WIPI1: variants seen among roughly 807,000 people sequenced by gnomAD.
WIPI1 encodes the protein WD repeat domain, phosphoinositide interacting 1.
A neutral mutation model predicts 55.3 loss-of-function variants in WIPI1; 45 were observed. The observed-to-expected ratio is 0.81, with a 90% confidence interval of 0.64 to 1.04. The LOEUF (loss-of-function observed/expected upper bound fraction) is 1.04. Among genes scored for constraint, WIPI1 ranks in the 50% least tolerant of loss-of-function variants. The pLI, the probability that WIPI1 is intolerant of heterozygous loss-of-function variation, is 0.00. For missense variants in WIPI1, 445 were observed against 559.0 expected (o/e 0.80, Z 2.06); for synonymous variants, 195 against 217.6 (o/e 0.90, Z 0.92).
intron 5 of WIPI1, 50 bp downstream of exon 5, chr17:68,436,332 C>T (rs1568636011): frequency 1.3e-6 from 2 of 1,562,112 alleles, no homozygotes; most frequent in Non-Finnish European, 1.8e-6. Context: ...CTTCCATGAC[C>T]ACACAGCCAA....
At chr17:68,428,200 G>C (rs12943181) in intron 10 of WIPI1, 35,221 of 150,114 alleles carry the variant, frequency 0.23, 4,336 homozygotes, top group Middle Eastern at 0.32. Flanking sequence ...GACTGGTAGA[G>C]CACTTTTCAA....
intron 9 of WIPI1, among the ~76,000 whole-genome samples, chr17:68,429,365 A>G (rs1383097375): frequency 6.6e-6 from 1 of 152,136 alleles, no homozygotes; most frequent in Non-Finnish European, 1.5e-5. Flanking sequence ...ACTCCTTTAA[A>G]CTTCTTAAAA....
chr17:68,429,917 G>A, intron 9 of WIPI1, 79 bp downstream of exon 9: 1 of 1,595,754 alleles, frequency 6.3e-7, no homozygotes, highest in Non-Finnish European at 8.5e-7. Context: ...TTTCTTTTCA[G>A]GTTTGGGGAT....
At position 68,452,980 on chromosome 17, in the gene WIPI1, AG is replaced by A. The variant is rs778495725; in HGVS notation, c.92del (p.Thr31MetfsTer12). On this transcript the variant is annotated frameshift_variant, in exon 2 of 13. Coordinates refer to ENST00000262139, the MANE Select transcript of WIPI1 (RefSeq NM_017983.7). LOFTEE classifies it high-confidence loss of function. ...ACAGCTTATACCCGGCTTTAGTTCCAGTTGCTAGGGATCTGTGGAGGATAAT... is the reference window on the plus strand; with the variant it reads ...ACAGCTTATACCCGGCTTTAGTTCCATTGCTAGGGATCTGTGGAGGATAAT... ...SFNQDCTSLA[T>X]GTKAGYKLFS... 1.2e-6 allele frequency: 2 copies of A among 1,613,758 alleles called. No individual in the cohort carries two copies. Among genetic ancestry groups the A allele is most frequent in the Non-Finnish European group, 8.5e-7 (1 of 1,179,704 alleles).
At chr17:68,441,830 G>C (rs1266508062) in intron 4 of WIPI1, among the ~76,000 whole-genome samples, 1 of 152,192 alleles carries the variant, frequency 6.6e-6, no homozygotes, top group African/African-American at 2.4e-5. Context: ...TTATAAACGT[G>C]AGCATTTAAA....
chr17:68,448,635 A>C (rs2084378350), intron 3 of WIPI1, among the ~76,000 whole-genome samples: 1 of 152,192 alleles, frequency 6.6e-6, no homozygotes. Flanking sequence ...GAAATCATAC[A>C]AGCAAATACA....
intron 4 of WIPI1, among the ~76,000 whole-genome samples, chr17:68,437,005 A>ATAT (rs1555801304): frequency 2.8e-4 from 30 of 107,188 alleles, no homozygotes; most frequent in African/African-American, 1.1e-3. Context: ...AAAAAAAAAA[A>ATAT]ATATATATAT....
chr17:68,457,316 C>G (rs1400699442), intron 1 of WIPI1, 26 bp downstream of exon 1: 16 of 1,540,220 alleles, frequency 1.0e-5, no homozygotes, highest in Non-Finnish European at 1.3e-5. Flanking sequence ...CCCCACCTCC[C>G]TGGCAGGGGC....
chr17:68,449,750 C>G (rs993103664), intron 3 of WIPI1, among the ~76,000 whole-genome samples: 3 of 152,200 alleles, frequency 2.0e-5, no homozygotes, highest in Non-Finnish European at 4.4e-5. Flanking sequence ...CCTGCAGAAC[C>G]TTGACCCAGT....
intron 12 of WIPI1, 157 bp downstream of exon 12, chr17:68,425,918 G>C: frequency 1.6e-6 from 1 of 643,674 alleles, no homozygotes; most frequent in Admixed American, 2.7e-5. Context: ...GAAGCACACA[G>C]TACAACAAAT....
At chr17:68,427,484 G>C in intron 10 of WIPI1, 1 of 326,654 alleles carries the variant, frequency 3.1e-6, no homozygotes, top group South Asian at 3.7e-5. Context: ...AGCCTCCCGA[G>C]TAGCTGCGAC....
At chr17:68,437,981 G>A (rs905132640) in intron 4 of WIPI1, among the ~76,000 whole-genome samples, 5 of 97,128 alleles carry the variant, frequency 5.1e-5, no homozygotes, top group Admixed American at 3.0e-4. Context: ...AAAGTGACTG[G>A]CGTCTATTAC....
At chr17:68,448,861 A>C (rs1232633324) in intron 3 of WIPI1, among the ~76,000 whole-genome samples, 5 of 151,670 alleles carry the variant, frequency 3.3e-5, no homozygotes, top group African/African-American at 1.2e-4. Flanking sequence ...CAATCAGAAA[A>C]CTCTCAAACT....
intron 8 of WIPI1, among the ~76,000 whole-genome samples, chr17:68,432,952 T>C (rs1455790578): frequency 3.9e-5 from 6 of 152,258 alleles, no homozygotes; most frequent in Non-Finnish European, 7.3e-5. Context: ...CTAGAGATTT[T>C]ATCCATTTTT....
Position 68,428,905 on chromosome 17 carries a change from A to T in WIPI1, c.997T>A (p.Ser333Thr), listed in dbSNP as rs766292289. ...TACATATAAAGGTGTCCACTGGATG[A>T]CGCAACTAGCAGCCGTGGCAACTTC... ...IQKLPRLLVASSSGHLYMYNL... is the reference protein window; with the variant it reads ...IQKLPRLLVATSSGHLYMYNL... The change falls in exon 10 of 13, where the codon TCA becomes ACA. Residue 333 changes from serine (S) to threonine (T), a missense_variant. Coordinates refer to ENST00000262139, the MANE Select transcript of WIPI1 (RefSeq NM_017983.7). 6.2e-7 allele frequency: 1 copy of T among 1,614,150 alleles called. No individual in the cohort carries two copies.
At chr17:68,452,859 G>A in intron 2 of WIPI1, 51 bp downstream of exon 2, 1 of 1,541,884 alleles carries the variant, frequency 6.5e-7, no homozygotes, top group African/African-American at 1.4e-5. Context: ...AGCCTAGAAG[G>A]AGGCTCTGGT....
intron 10 of WIPI1, 133 bp downstream of exon 10, chr17:68,428,696 A>C: frequency 4.5e-6 from 3 of 673,748 alleles, no homozygotes; most frequent in Non-Finnish European, 7.8e-6. Flanking sequence ...CTTGCCCACT[A>C]GAGGTTTGCC....
Position 68,444,511 on chromosome 17 carries a change from T to C in WIPI1, c.412A>G (p.Ile138Val). The C allele has an allele frequency of 6.2e-7, 1 of 1,613,802 alleles. No homozygotes were observed. ...AGCTCACCTGTTGGGTTTGCAGGAA[T>C]ATCCAGGAGGGTCTTCAACAGCTTC... ...DMKLLKTLLDIPANPTGLCAL... is the reference protein window; with the variant it reads ...DMKLLKTLLDVPANPTGLCAL... Residue 138 changes from isoleucine to valine, a missense_variant, in exon 4 of 13, where the codon ATT becomes GTT. Physicochemically the swap from Ile to Val is conservative, Grantham distance 29 (BLOSUM62 3). Transcript: ENST00000262139.
At position 68,434,855 on chromosome 17, in the gene WIPI1, C is replaced by CGTGTATGTGTGT. The variant is rs575961484; in HGVS notation, c.622-241_622-230dup. Among the ~76,000 whole-genome samples the CGTGTATGTGTGT allele has an allele frequency of 4.9e-3, 740 of 152,236 alleles. 13 individuals are homozygous for CGTGTATGTGTGT. Among genetic ancestry groups the CGTGTATGTGTGT allele is most frequent in the African/African-American group, 0.017 (695 of 41,526 alleles). Reference sequence around the variant, plus strand: ...CCTTCCACCTGTGCCCAAGGCTCTGCGTGTATGTGTGTGTGCATGTGTGTG... The same window carrying CGTGTATGTGTGT: ...CCTTCCACCTGTGCCCAAGGCTCTGCGTGTATGTGTGTGTGTATGTGTGTGTGCATGTGTGTG... On this transcript the variant is annotated intron_variant, in intron 6 of 12. Coordinates refer to ENST00000262139, the MANE Select transcript of WIPI1 (RefSeq NM_017983.7).
Sources: allele counts gnomAD v4.1 joint callset (sites outside exome capture counted in the v4.1 genomes callset), GRCh38; gene constraint gnomAD v4.1.1; transcripts MANE v1.5; gene names NCBI Gene and HGNC (gene_info 2026-07-23, HGNC 2026-07-21).